The following FNDC1 variants were observed in gnomAD, a reference collection of about 807,000 sequenced individuals.
The protein encoded by FNDC1 is fibronectin type III domain containing 1, also known as fibronectin type III domain-containing protein 1.
FNDC1 carries 96 observed loss-of-function variants against 168.0 expected under a neutral mutation model. The ratio of observed to expected loss-of-function variants is 0.57; its 90% CI spans 0.48 to 0.68. The LOEUF is 0.68. Ranked by LOEUF, FNDC1 falls within the 30% of genes least tolerant of loss-of-function variation. The pLI, the probability that FNDC1 is intolerant of heterozygous loss-of-function variation, is 0.00. For synonymous variants in FNDC1, 1,099 were observed against 1,025.9 expected, an observed-to-expected ratio of 1.07 and a Z score of -1.36; for missense variants, 2,587 against 2,482.1, an observed-to-expected ratio of 1.04 and a Z score of -0.90.
At chr6:159,185,136 G>A (rs1352119716) in intron 1 of FNDC1, among the ~76,000 whole-genome samples, 1 of 151,510 alleles carries the variant, frequency 6.6e-6, no homozygotes, top group Non-Finnish European at 1.5e-5. Flanking sequence ...TAAACAAAAT[G>A]GCCAAGAACT....
intron 1 of FNDC1, among the ~76,000 whole-genome samples, chr6:159,176,347 C>T (rs1462134439): frequency 1.3e-5 from 2 of 152,174 alleles, no homozygotes; most frequent in Non-Finnish European, 2.9e-5. Context: ...AACATAGTGC[C>T]TGCTGTCAGA....
At chr6:159,183,820 A>G (rs951551705) in intron 1 of FNDC1, among the ~76,000 whole-genome samples, 1 of 152,206 alleles carries the variant, frequency 6.6e-6, no homozygotes, top group Non-Finnish European at 1.5e-5. Context: ...GAGGAGCAAG[A>G]GATGAAGATT....
intron 17 of FNDC1, among the ~76,000 whole-genome samples, chr6:159,254,168 C>T (rs1777325893): frequency 6.6e-6 from 1 of 152,180 alleles, no homozygotes; most frequent in Non-Finnish European, 1.5e-5. Context: ...CTCTTAGGTG[C>T]ATTCGATGTT....
chr6:159,207,909 CCTT>C (rs1782522445), intron 4 of FNDC1, among the ~76,000 whole-genome samples: 1 of 152,212 alleles, frequency 6.6e-6, no homozygotes, highest in African/African-American at 2.4e-5. Context: ...ATTTAACACT[CCTT>C]CTCTTCGCTT....
rs779786083 is a variant in FNDC1 at position 159,249,103 on chromosome 6, G to T, written c.4755G>T (p.Pro1585=). ...TTEPSTTATT[P]RVIPEEGAIS... ...AGCCTTCGACCACTGCTACCACACC[G>T]AGGGTGATCCCAGAGGAAGGCGCCA... The change falls in exon 16 of 23, where the codon CCG becomes CCT. Residue 1585 remains proline (P), a synonymous_variant. Coordinates refer to ENST00000297267, the MANE Select transcript of FNDC1 (RefSeq NM_032532.3). 1.2e-6 allele frequency: 2 copies of T among 1,608,488 alleles called. No homozygotes were observed. Among genetic ancestry groups the T allele is most frequent in the African/African-American group, 2.7e-5 (2 of 74,850 alleles).
intron 9 of FNDC1, among the ~76,000 whole-genome samples, chr6:159,228,811 G>T (rs1007581660): frequency 2.2e-4 from 33 of 152,204 alleles, no homozygotes; most frequent in African/African-American, 7.5e-4. Flanking sequence ...GAGTAGCTGG[G>T]ACCACAGGCA....
chr6:159,176,188 A>T (rs1781756841), intron 1 of FNDC1, among the ~76,000 whole-genome samples: 1 of 152,178 alleles, frequency 6.6e-6, no homozygotes, highest in Non-Finnish European at 1.5e-5. Context: ...TTTTCTCATC[A>T]GCAAAGCAAG....
intron 4 of FNDC1, among the ~76,000 whole-genome samples, chr6:159,201,435 C>T (rs1782374974): frequency 6.6e-6 from 1 of 152,104 alleles, no homozygotes; most frequent in Non-Finnish European, 1.5e-5. Flanking sequence ...AGAAAACTGG[C>T]TTTTGGGGAG....
intron 4 of FNDC1, among the ~76,000 whole-genome samples, chr6:159,211,500 A>C (rs915043645): frequency 4.6e-5 from 7 of 152,212 alleles, no homozygotes; most frequent in African/African-American, 1.4e-4. Flanking sequence ...ATATTTGAAA[A>C]GATTTTCAAT....
chr6:159,232,598 C>G lies in FNDC1; in HGVS notation c.2086C>G (p.Pro696Ala), dbSNP rs1783119056. The G allele has an allele frequency of 1.2e-6, 2 of 1,607,988 alleles. No individual in the cohort carries two copies. Among genetic ancestry groups the G allele is most frequent in the Admixed American group, 3.4e-5 (2 of 59,552 alleles). ...GCACCCCGGCGCAAAGCCAGCCTCG[C>G]CGGCCCGGAGGACCCCCCATTCAGG... ...SVHPGAKPAS[P>A]ARRTPHSGAA... Residue 696 changes from proline (P) to alanine (A), a missense_variant, in exon 11 of 23, where the codon CCG becomes GCG. Transcript: ENST00000297267. This position sits in a 1 kb window ranked among gnomAD's most constrained non-coding sequence, Gnocchi z 4.9.
intron 5 of FNDC1, among the ~76,000 whole-genome samples, chr6:159,215,633 T>C (rs908177928): frequency 3.3e-5 from 5 of 152,106 alleles, no homozygotes; most frequent in African/African-American, 1.2e-4. Flanking sequence ...GGGGAGTTTA[T>C]TAAGTATTAA....
intron 1 of FNDC1, among the ~76,000 whole-genome samples, chr6:159,184,022 A>G (rs1160687025): frequency 6.6e-6 from 1 of 152,264 alleles, no homozygotes; most frequent in Non-Finnish European, 1.5e-5. Context: ...AGCATGGTCC[A>G]TAGTTTCAGA....
intron 22 of FNDC1, among the ~76,000 whole-genome samples, chr6:159,270,253 G>T (rs1456434173): frequency 3.3e-5 from 5 of 151,880 alleles, no homozygotes; most frequent in African/African-American, 1.2e-4. Context: ...CAACAGACTG[G>T]GTAACATAGC....
In FNDC1 at chr6:159,271,409, C is replaced by A. The variant is rs752764857; in HGVS notation, c.5652C>A (p.Tyr1884Ter). The change falls in exon 23 of 23, where the codon TAC becomes TAA. Residue 1884 changes from tyrosine (Y) to a stop codon, truncating the protein, a stop_gained. Coordinates refer to ENST00000297267, the MANE Select transcript of FNDC1 (RefSeq NM_032532.3). LOFTEE classifies it high-confidence loss of function. ...CCCCCTACTACTATGTGGGCTGGTACGAGTGTGGGGTCTCCATCCCTGGAA... is the reference window on the plus strand; with the variant it reads ...CCCCCTACTACTATGTGGGCTGGTAAGAGTGTGGGGTCTCCATCCCTGGAA... ...FGTPYYYVGW[Y>*]ECGVSIPGKW 6.2e-7 allele frequency: 1 copy of A among 1,611,610 alleles called. No homozygotes were observed. Among genetic ancestry groups the A allele is most frequent in the Non-Finnish European group, 8.5e-7 (1 of 1,179,008 alleles).
At chr6:159,182,411 A>G (rs1297576625) in intron 1 of FNDC1, among the ~76,000 whole-genome samples, 2 of 152,206 alleles carry the variant, frequency 1.3e-5, no homozygotes, top group Non-Finnish European at 2.9e-5. Context: ...AAGCCCTGGA[A>G]AGCAGTGAGT....
At chr6:159,211,073 A>G (rs1782595152) in intron 4 of FNDC1, among the ~76,000 whole-genome samples, 2 of 152,074 alleles carry the variant, frequency 1.3e-5, no homozygotes, top group Non-Finnish European at 2.9e-5. Flanking sequence ...CCCGGCGTGC[A>G]GATTGGTGTC....
chr6:159,238,632 A>G lies in FNDC1; in HGVS notation c.4147A>G (p.Ile1383Val). 1 of 1,609,422 alleles carries G rather than the reference A, an allele frequency of 6.2e-7. No individual in the cohort carries two copies. The highest frequency in any genetic ancestry group is 8.5e-7 in the Non-Finnish European group (1 of 1,177,928). ...AGATTCACATGGAAATCCTCTTCGG[A>G]TTAAACTAGGAGGAGATGGTCGAAC... is the stretch of plus-strand genomic sequence containing the variant. Reference protein sequence around the residue: ...LQDSHGNPLRIKLGGDGRTIV... With the variant: ...LQDSHGNPLRVKLGGDGRTIV... The change falls in exon 13 of 23, where the codon ATT becomes GTT. Residue 1383 changes from isoleucine to valine, a missense_variant. Coordinates refer to ENST00000297267, the MANE Select transcript of FNDC1 (RefSeq NM_032532.3).
rs1029092224 is a variant in FNDC1, at chr6:159,208,809, T to A, written c.461-6136T>A. 3.5e-4 allele frequency among the ~76,000 whole-genome samples: 53 copies of A among 152,200 alleles called. 1 individual carries two copies. The highest frequency in any genetic ancestry group is 1.2e-3 in the African/African-American group (51 of 41,524). On this transcript the variant is annotated intron_variant, in intron 4 of 22. Transcript: ENST00000297267. ...ATAGACCATGTCCAACAGGGAGAATTTTCCTGATGGCCAGGCATTCAAATG... is the reference window on the plus strand; with the variant it reads ...ATAGACCATGTCCAACAGGGAGAATATTCCTGATGGCCAGGCATTCAAATG...
At position 159,234,047 on chromosome 6, in the gene FNDC1, G is replaced by T. The variant is rs759918831; in HGVS notation, c.3535G>T (p.Asp1179Tyr). Residue 1179 changes from aspartate to tyrosine, a missense_variant, in exon 11 of 23, where the codon GAC (aspartate) becomes TAC (tyrosine). Asp to Tyr is a radical substitution (Grantham distance 160, BLOSUM62 -3). Transcript: ENST00000297267. ...GTCCCAGCAGTCGGTCTCAGCCGAG[G>T]ACGACGAGGAGGAGGACGCGGGATT... ...SKSQQSVSAE[D>Y]DEEEDAGFFK... is the part of the protein sequence containing the mutation. 2.1e-6 allele frequency: 2 copies of T among 939,376 alleles called. No individual in the cohort carries two copies. Among genetic ancestry groups the T allele is most frequent in the South Asian group, 3.3e-5 (2 of 59,920 alleles). 58.2% of individuals were successfully genotyped at this position (939,376 alleles called of 1,614,324 possible). A position where few individuals can be genotyped will look rare whatever the true frequency, so the allele number is the denominator to read the frequency against.
Sources: gnomAD v4.1 joint callset for allele counts (sites outside exome capture counted in the v4.1 genomes callset) on GRCh38, gnomAD v4.1.1 for gene constraint, Gnocchi (gnomAD v3.1) non-coding constraint, MANE v1.5 for transcripts, NCBI Gene and HGNC (gene_info 2026-07-23, HGNC 2026-07-21) for gene names.